Variants in SLC14A2 observed in about 807,000 individuals in gnomAD.
SLC14A2 encodes the protein solute carrier family 14 member 2, also known as urea transporter 2.
In SLC14A2, 91 loss-of-function variants were observed where a neutral mutation model predicts 104.6. That is an observed-to-expected ratio of 0.87 (90% CI 0.73 to 1.04). The LOEUF (loss-of-function observed/expected upper bound fraction) is 1.04, where lower values mean the gene tolerates loss of function less well. Ranked by LOEUF, SLC14A2 falls within the 50% of genes least tolerant of loss-of-function variation. SLC14A2 has a pLI of 0.00. For synonymous variants in SLC14A2, 476 were observed against 466.4 expected, an observed-to-expected ratio of 1.02 and a Z score of -0.27; for missense variants, 1,189 against 1,156.0, an observed-to-expected ratio of 1.03 and a Z score of -0.41.
At chr18:45,260,571 A>C (rs2084525434) in intron 1 of SLC14A2, among the ~76,000 whole-genome samples, 1 of 152,212 alleles carries the variant, frequency 6.6e-6, no homozygotes, top group African/African-American at 2.4e-5. Flanking sequence ...GGTGCTCATC[A>C]AGAGTGGACT....
intron 1 of SLC14A2, among the ~76,000 whole-genome samples, chr18:45,312,383 GA>G (rs11314315): frequency 0.27 from 38,954 of 145,510 alleles, 5,986 homozygotes; most frequent in African/African-American, 0.44. Flanking sequence ...CTTCAGACTA[GA>G]AAAAAAAAAA....
intron 10 of SLC14A2, among the ~76,000 whole-genome samples, chr18:45,663,437 C>T (rs1442071769): frequency 1.3e-5 from 2 of 152,154 alleles, no homozygotes; most frequent in Non-Finnish European, 2.9e-5. Flanking sequence ...AACTCCCTGC[C>T]ACAGATGAAG....
chr18:45,339,849 G>T (rs1349358996), intron 1 of SLC14A2, among the ~76,000 whole-genome samples: 2 of 152,204 alleles, frequency 1.3e-5, no homozygotes, highest in African/African-American at 4.8e-5. Flanking sequence ...GAGAGCAAAA[G>T]GATGCACTGT....
chr18:45,452,911 C>A (rs1196109235), intron 1 of SLC14A2, among the ~76,000 whole-genome samples: 1 of 152,236 alleles, frequency 6.6e-6, no homozygotes, highest in Non-Finnish European at 1.5e-5. Flanking sequence ...AGGGCAATAT[C>A]TTTCTCCTTT....
At chr18:45,510,349 C>A (rs552978756) in intron 2 of SLC14A2, among the ~76,000 whole-genome samples, 4 of 152,210 alleles carry the variant, frequency 2.6e-5, no homozygotes, top group Admixed American at 2.6e-4. Context: ...TTTATCTGTG[C>A]CCCCAAGCCA....
chr18:45,382,916 G>A (rs757767180), intron 1 of SLC14A2, among the ~76,000 whole-genome samples: 2 of 152,198 alleles, frequency 1.3e-5, no homozygotes, highest in Non-Finnish European at 1.5e-5. Context: ...ATAGTAAGTA[G>A]TTTTAATCTC....
chr18:45,257,864 T>G (rs142371636), intron 1 of SLC14A2, among the ~76,000 whole-genome samples: 46 of 152,282 alleles, frequency 3.0e-4, no homozygotes, highest in African/African-American at 1.1e-3. Flanking sequence ...ATGTAAAAGG[T>G]GGCAATTATC....
At chr18:45,317,023 A>G (rs1423701250) in intron 1 of SLC14A2, among the ~76,000 whole-genome samples, 2 of 152,262 alleles carry the variant, frequency 1.3e-5, no homozygotes, top group African/African-American at 4.8e-5. Flanking sequence ...TGAGACACAG[A>G]AAAACTAAGG....
intron 1 of SLC14A2, among the ~76,000 whole-genome samples, chr18:45,274,295 A>G (rs2084680133): frequency 6.6e-6 from 1 of 152,202 alleles, no homozygotes; most frequent in Non-Finnish European, 1.5e-5. Flanking sequence ...CATCTGGCTG[A>G]ATGAGAAAAT....
At chr18:45,278,267 C>T (rs1751302968) in intron 1 of SLC14A2, among the ~76,000 whole-genome samples, 1 of 152,170 alleles carries the variant, frequency 6.6e-6, no homozygotes, top group African/African-American at 2.4e-5. Context: ...CCTGTTAAGA[C>T]AGGGTTTCTC....
At chr18:45,263,674 A>G (rs190599257) in intron 1 of SLC14A2, among the ~76,000 whole-genome samples, 6 of 152,244 alleles carry the variant, frequency 3.9e-5, no homozygotes, top group African/African-American at 1.2e-4. Flanking sequence ...TTAAGTGTTT[A>G]TGTATATCGG....
At chr18:45,213,954 C>A (rs1363889988) in intron 1 of SLC14A2, among the ~76,000 whole-genome samples, 1 of 152,068 alleles carries the variant, frequency 6.6e-6, no homozygotes, top group Non-Finnish European at 1.5e-5. Flanking sequence ...AAGATGTTAC[C>A]TATATGATCA....
upstream of SLC14A2, among the ~76,000 whole-genome samples, chr18:45,209,047 A>C (rs1333484620): frequency 8.5e-4 from 128 of 149,918 alleles, no homozygotes; most frequent in African/African-American, 2.8e-3. Flanking sequence ...AAAAACAACA[A>C]CAACTGTGGC....
At position 45,673,050 on chromosome 18, in the gene SLC14A2, C is replaced by T; in HGVS notation, c.2377+3C>T. 6.2e-7 allele frequency: 1 copy of T among 1,613,512 alleles called. No individual in the cohort carries two copies. Among genetic ancestry groups the T allele is most frequent in the Non-Finnish European group, 8.5e-7 (1 of 1,179,624 alleles). On this transcript the variant is annotated splice_donor_region_variant and intron_variant, in intron 17 of 19. Coordinates refer to ENST00000255226, the MANE Select transcript of SLC14A2 (RefSeq NM_007163.4). ...ATCCACCATGGGGATGCTAGCAGGT[C>T]TGTGTCCTCACTTCCCTGGGCTGTG...
At chr18:45,236,372 T>C (rs1250369972) in intron 1 of SLC14A2, among the ~76,000 whole-genome samples, 7 of 19,920 alleles carry the variant, frequency 3.5e-4, no homozygotes, top group African/African-American at 2.8e-3. Context: ...TGTATATATG[T>C]GTATATATAC....
chr18:45,361,102 C>T (rs952411447), intron 1 of SLC14A2, among the ~76,000 whole-genome samples: 2 of 152,200 alleles, frequency 1.3e-5, no homozygotes, highest in Non-Finnish European at 1.5e-5. Flanking sequence ...TCAGACCACC[C>T]AGCTAGAAGT....
intron 2 of SLC14A2, among the ~76,000 whole-genome samples, chr18:45,567,867 C>G (rs1031709875): frequency 6.6e-6 from 1 of 152,168 alleles, no homozygotes; most frequent in Non-Finnish European, 1.5e-5. Context: ...AGACCCACCC[C>G]AGGATCTTTC....
chr18:45,330,148 A>C (rs2144258295), intron 1 of SLC14A2, among the ~76,000 whole-genome samples: 1 of 152,252 alleles, frequency 6.6e-6, no homozygotes, highest in South Asian at 2.1e-4. Flanking sequence ...TTTGGGTGTA[A>C]GCTGAGACCT....
At chr18:45,278,619 G>C (rs754032882) in intron 1 of SLC14A2, among the ~76,000 whole-genome samples, 9 of 152,100 alleles carry the variant, frequency 5.9e-5, no homozygotes, top group Non-Finnish European at 8.8e-5. Flanking sequence ...ATACAAAGGG[G>C]ACTGGTTCCA....
Sources: gnomAD v4.1 joint callset for allele counts (sites outside exome capture counted in the v4.1 genomes callset) on GRCh38, gnomAD v4.1.1 for gene constraint, MANE v1.5 for transcripts, NCBI Gene and HGNC (gene_info 2026-07-23, HGNC 2026-07-21) for gene names.